Variants in TFEC observed in about 807,000 individuals in gnomAD.
TFEC encodes class E basic helix-loop-helix protein 34.
TFEC carries 31 observed loss-of-function variants against 41.6 expected under a neutral mutation model. The observed-to-expected ratio is 0.74, with a 90% CI of 0.56 to 1.01. TFEC has a LOEUF of 1.01. TFEC is among the 50% of genes least tolerant of loss of function. The pLI is 0.00. For synonymous variants in TFEC, 143 were observed against 140.6 expected, an observed-to-expected ratio of 1.02 and a Z score of -0.12; for missense variants, 402 against 404.1, an observed-to-expected ratio of 0.99 and a Z score of 0.04.
chr7:115,994,320 C>T (rs1794261459), intron 1 of TFEC, among the ~76,000 whole-genome samples: 1 of 152,028 alleles, frequency 6.6e-6, no homozygotes, highest in Non-Finnish European at 1.5e-5. Context: ...ACTAAAACAC[C>T]AAAAGCAATG....
At chr7:116,067,580 C>T (rs985549316) in intron 3 of TFEC, among the ~76,000 whole-genome samples, 1 of 151,970 alleles carries the variant, frequency 6.6e-6, no homozygotes, top group African/African-American at 2.4e-5. Context: ...GTCAGTGATG[C>T]ATTTCCCTGT....
intron 1 of TFEC, among the ~76,000 whole-genome samples, chr7:115,990,721 TG>T (rs1794070695): frequency 6.6e-6 from 1 of 152,098 alleles, no homozygotes; most frequent in African/African-American, 2.4e-5. Context: ...TCAAGAAATA[TG>T]GGACTATGTA....
chr7:115,991,107 A>C (rs559874727), intron 1 of TFEC, among the ~76,000 whole-genome samples: 27 of 152,360 alleles, frequency 1.8e-4, no homozygotes, highest in African/African-American at 6.0e-4. Context: ...TTTTCAACCC[A>C]GAATTTCATA....
intron 1 of TFEC, among the ~76,000 whole-genome samples, chr7:115,994,358 G>A (rs1038788502): frequency 3.9e-5 from 6 of 152,134 alleles, no homozygotes; most frequent in Non-Finnish European, 8.8e-5. Flanking sequence ...TGACAAATGG[G>A]ATCTAATTAA....
At chr7:116,070,146 A>ATGTG (rs777262615) in intron 3 of TFEC, among the ~76,000 whole-genome samples, 1 of 151,012 alleles carries the variant, frequency 6.6e-6, no homozygotes, top group African/African-American at 2.4e-5. Context: ...ATATATGTAT[A>ATGTG]TGTGTGTGTG....
intron 3 of TFEC, among the ~76,000 whole-genome samples, chr7:116,067,781 T>A: frequency 6.6e-6 from 1 of 152,002 alleles, no homozygotes; most frequent in East Asian, 1.9e-4. Flanking sequence ...TTCCCACACT[T>A]ACTCCACATT....
intron 1 of TFEC, among the ~76,000 whole-genome samples, chr7:116,007,005 C>T (rs2130798476): frequency 6.6e-6 from 1 of 152,306 alleles, no homozygotes; most frequent in African/African-American, 2.4e-5. Flanking sequence ...CCATGCGGAA[C>T]TGTAAGTCGA....
At chr7:116,048,115 G>A (rs1033731328) in intron 3 of TFEC, among the ~76,000 whole-genome samples, 1 of 152,198 alleles carries the variant, frequency 6.6e-6, no homozygotes, top group Non-Finnish European at 1.5e-5. Context: ...GCCAGCAATG[G>A]AACAAAGCTG....
chr7:116,130,234 G>A (rs1251195465), intron 1 of TFEC, among the ~76,000 whole-genome samples: 2 of 152,136 alleles, frequency 1.3e-5, no homozygotes, highest in African/African-American at 4.8e-5. Flanking sequence ...CAGAGTGCTA[G>A]AAGTTTGTTT....
At chr7:115,946,192 T>C (rs1016097755) in intron 6 of TFEC, among the ~76,000 whole-genome samples, 1 of 151,426 alleles carries the variant, frequency 6.6e-6, no homozygotes, top group Non-Finnish European at 1.5e-5. Context: ...CAGAGTCACA[T>C]GTTTAGAGAC....
intron 1 of TFEC, among the ~76,000 whole-genome samples, chr7:116,022,310 G>A (rs534868505): frequency 6.6e-6 from 1 of 152,260 alleles, no homozygotes; most frequent in African/African-American, 2.4e-5. Context: ...TTAAAAATGA[G>A]GGTGAGGGCA....
intron 1 of TFEC, among the ~76,000 whole-genome samples, chr7:116,005,538 A>C (rs541884005): frequency 1.5e-4 from 23 of 152,328 alleles, no homozygotes; most frequent in Middle Eastern, 3.4e-3. Flanking sequence ...TGGTAGAAGA[A>C]ATTTCTAAGC....
intron 3 of TFEC, among the ~76,000 whole-genome samples, chr7:116,080,997 G>A (rs1303385619): frequency 6.6e-6 from 1 of 151,576 alleles, no homozygotes; most frequent in Non-Finnish European, 1.5e-5. Flanking sequence ...GTGTGTGTGT[G>A]TGTGTGTGTG....
intron 1 of TFEC, among the ~76,000 whole-genome samples, chr7:115,996,342 C>T (rs192848126): frequency 5.3e-5 from 8 of 152,162 alleles, no homozygotes; most frequent in African/African-American, 1.9e-4. Context: ...CAGAAGGGAA[C>T]CTACTTCATA....
intron 1 of TFEC, among the ~76,000 whole-genome samples, chr7:116,014,109 T>C (rs562912773): frequency 1.3e-5 from 2 of 152,262 alleles, no homozygotes; most frequent in South Asian, 4.1e-4. Flanking sequence ...TTTACTGTTA[T>C]CTTAATGTTT....
At chr7:116,089,453 T>C (rs562155907) in intron 3 of TFEC, among the ~76,000 whole-genome samples, 9 of 152,066 alleles carry the variant, frequency 5.9e-5, no homozygotes, top group Non-Finnish European at 1.3e-4. Flanking sequence ...CATTAAAAAG[T>C]TTTTGTATTG....
At position 116,029,976 on chromosome 7, in the gene TFEC, G is replaced by A. The variant is rs368439831; in HGVS notation, c.-73+657C>T. Among the ~76,000 whole-genome samples the A allele has an allele frequency of 7.9e-5, 12 of 152,144 alleles. No individual in the cohort carries two copies. The East Asian group carries it at 1.9e-3, about 24-fold the overall frequency. ...AGCTACTTGGAAGGCTGAGGCAGGA[G>A]AATCACTTCAACCCGGGAGGCAGAC... On this transcript the variant is annotated intron_variant, in intron 1 of 7. Coordinates refer to ENST00000265440, the MANE Select transcript of TFEC (RefSeq NM_012252.4).
At chr7:116,070,028 A>G (rs1185768623) in intron 3 of TFEC, among the ~76,000 whole-genome samples, 1 of 151,484 alleles carries the variant, frequency 6.6e-6, no homozygotes, top group Middle Eastern at 3.2e-3. Flanking sequence ...AAAACATTAT[A>G]AATATACATA....
At chr7:116,051,146 T>A (rs1796301683) in intron 3 of TFEC, among the ~76,000 whole-genome samples, 1 of 151,994 alleles carries the variant, frequency 6.6e-6, no homozygotes, top group African/African-American at 2.4e-5. Flanking sequence ...GGGGCCTGTC[T>A]TGGGGTTGGG....
Sources: gnomAD v4.1 joint callset for allele counts (sites outside exome capture counted in the v4.1 genomes callset) on GRCh38, gnomAD v4.1.1 for gene constraint, MANE v1.5 for transcripts, NCBI Gene and HGNC (gene_info 2026-07-23, HGNC 2026-07-21) for gene names.